MECOM: variants seen among roughly 807,000 people sequenced by gnomAD.
The protein encoded by MECOM is MDS1 and EVI1 complex locus.
In MECOM, 13 loss-of-function variants were observed where a neutral mutation model predicts 116.3. The ratio of observed to expected loss-of-function variants is 0.11; its 90% CI spans 0.07 to 0.18. MECOM has a LOEUF of 0.18. Ranked by LOEUF, MECOM falls within the 10% of genes least tolerant of loss-of-function variation. The probability of loss-of-function intolerance (pLI) is 1.00; values close to 1 mark genes in which losing one functional copy is unlikely to be tolerated. For synonymous variants in MECOM, 528 were observed against 535.2 expected, an observed-to-expected ratio of 0.99 and a Z score of 0.19; for missense variants, 1,299 against 1,509.0, an observed-to-expected ratio of 0.86 and a Z score of 2.31.
chr3:169,529,316 A>T (rs574599525), intron 1 of MECOM, among the ~76,000 whole-genome samples: 2 of 152,352 alleles, frequency 1.3e-5, no homozygotes, highest in East Asian at 3.9e-4. Context: ...TGAGTCATGA[A>T]AACCAGCAGG....
At chr3:169,392,278 A>G (rs534093255) in intron 1 of MECOM, among the ~76,000 whole-genome samples, 2 of 152,322 alleles carry the variant, frequency 1.3e-5, no homozygotes, top group South Asian at 2.1e-4. Context: ...TAGGCTCCAT[A>G]CTATGAAAAG....
chr3:169,444,432 G>A (rs1409884777), intron 1 of MECOM, among the ~76,000 whole-genome samples: 5 of 152,086 alleles, frequency 3.3e-5, no homozygotes, highest in East Asian at 3.9e-4. Context: ...TGTTATTCTC[G>A]TGATAGTGAA....
Position 169,663,613 on chromosome 3 carries a change from C to T in MECOM, c.-241G>A. On this transcript the variant is annotated 5_prime_UTR_variant, in exon 1 of 17. Transcript: ENST00000651503. Reference sequence around the variant, plus strand: ...TTTCTTCTTTCACTCTCTCTCCCTCCCTCTCTCCCTTTCTCTCAATCCACA... The same window carrying T: ...TTTCTTCTTTCACTCTCTCTCCCTCTCTCTCTCCCTTTCTCTCAATCCACA... 1 of 573,792 alleles carries T rather than the reference C, an allele frequency of 1.7e-6. No homozygotes were observed. The highest frequency in any genetic ancestry group is 3.1e-6 in the Non-Finnish European group (1 of 322,316). 35.5% of individuals were successfully genotyped at this position (573,792 alleles called of 1,614,324 possible).
intron 10 of MECOM, among the ~76,000 whole-genome samples, chr3:169,102,888 A>G (rs914158757): frequency 1.3e-5 from 2 of 152,050 alleles, no homozygotes; most frequent in East Asian, 1.9e-4. Flanking sequence ...ACAGTTCATC[A>G]TATGTTAATA....
At chr3:169,095,313 A>T in intron 12 of MECOM, 68 bp from the exon 13 acceptor site, 1 of 1,377,772 alleles carries the variant, frequency 7.3e-7, no homozygotes, top group Non-Finnish European at 9.8e-7. Context: ...CTAGTTAGCC[A>T]GCTATCAAAA....
At chr3:169,614,997 A>C (rs1158633932) in intron 1 of MECOM, 1 of 152,226 alleles carries the variant, frequency 6.6e-6, no homozygotes. Context: ...TTATCTGTAA[A>C]ATGGGGGGTT....
At chr3:169,283,663 C>T (rs1712652054) in intron 2 of MECOM, among the ~76,000 whole-genome samples, 1 of 151,714 alleles carries the variant, frequency 6.6e-6, no homozygotes, top group South Asian at 2.1e-4. Flanking sequence ...ATCAATTTTA[C>T]TCTAAGTAGT....
chr3:169,486,784 C>T (rs1752434076), intron 1 of MECOM, among the ~76,000 whole-genome samples: 1 of 152,004 alleles, frequency 6.6e-6, no homozygotes, highest in African/African-American at 2.4e-5. Flanking sequence ...GTAGGCTCTA[C>T]AAGATTTTCT....
chr3:169,558,627 C>A (rs12633239), intron 1 of MECOM, among the ~76,000 whole-genome samples: 2 of 152,070 alleles, frequency 1.3e-5, no homozygotes, highest in Non-Finnish European at 2.9e-5. Context: ...GCCATCTGGG[C>A]CTCAGCCCAG....
At chr3:169,197,227 TGG>T (rs980847638) in intron 2 of MECOM, among the ~76,000 whole-genome samples, 17 of 151,848 alleles carry the variant, frequency 1.1e-4, no homozygotes, top group African/African-American at 4.1e-4. Context: ...GCTCGTTACC[TGG>T]GTGACAAAAT....
At chr3:169,562,139 CAAAA>C (rs10714325) in intron 1 of MECOM, among the ~76,000 whole-genome samples, 3 of 25,288 alleles carry the variant, frequency 1.2e-4, no homozygotes, top group East Asian at 7.4e-4. Context: ...GAGCAATACT[CAAAA>C]AAAAAAAAAA....
intron 12 of MECOM, among the ~76,000 whole-genome samples, chr3:169,099,420 C>T (rs1426554829): frequency 6.6e-6 from 1 of 152,084 alleles, no homozygotes; most frequent in East Asian, 1.9e-4. Context: ...TATTACATCT[C>T]TCTGAGACCT....
chr3:169,620,906 C>T (rs1383136085), intron 1 of MECOM, among the ~76,000 whole-genome samples: 3 of 152,086 alleles, frequency 2.0e-5, no homozygotes, highest in Non-Finnish European at 2.9e-5. Flanking sequence ...AAAATGAAAA[C>T]GTAGCATGAG....
intron 2 of MECOM, among the ~76,000 whole-genome samples, chr3:169,373,856 C>T (rs986533383): frequency 2.0e-5 from 3 of 151,988 alleles, no homozygotes; most frequent in Non-Finnish European, 4.4e-5. Flanking sequence ...TTCAGAGTCA[C>T]ATAATCCTAT....
intron 2 of MECOM, among the ~76,000 whole-genome samples, chr3:169,239,515 A>T (rs1754511096): frequency 6.6e-6 from 1 of 151,966 alleles, no homozygotes; most frequent in Admixed American, 6.6e-5. Flanking sequence ...GAAACCTATT[A>T]ACTATTTAGA....
chr3:169,364,387 T>C (rs6763243), intron 2 of MECOM, among the ~76,000 whole-genome samples: 57,199 of 151,752 alleles, frequency 0.38, 11,165 homozygotes, highest in Admixed American at 0.5. Flanking sequence ...ATTAAACTTG[T>C]TTATTACAGC....
At chr3:169,496,336 T>C (rs1753811256) in intron 1 of MECOM, among the ~76,000 whole-genome samples, 1 of 152,256 alleles carries the variant, frequency 6.6e-6, no homozygotes, top group Admixed American at 6.5e-5. Flanking sequence ...TGGAAATTAT[T>C]ATCCCTTAGC....
intron 1 of MECOM, among the ~76,000 whole-genome samples, chr3:169,436,729 T>C (rs1425892909): frequency 1.3e-5 from 2 of 152,176 alleles, no homozygotes; most frequent in African/African-American, 4.8e-5. Flanking sequence ...TCAAAAACTA[T>C]GTGTTAGACT....
intron 2 of MECOM, among the ~76,000 whole-genome samples, chr3:169,352,842 A>T (rs1726586764): frequency 6.6e-6 from 1 of 151,944 alleles, no homozygotes; most frequent in Admixed American, 6.6e-5. Context: ...AATTAGGGAA[A>T]TAGATGACCT....
Sources: allele counts gnomAD v4.1 joint callset (sites outside exome capture counted in the v4.1 genomes callset), GRCh38; gene constraint gnomAD v4.1.1; transcripts MANE v1.5; gene names NCBI Gene and HGNC (gene_info 2026-07-23, HGNC 2026-07-21).